The following EFCAB6 variants were observed in gnomAD, a reference collection of about 807,000 sequenced individuals.
The protein encoded by EFCAB6 is EF-hand calcium binding domain 6.
In EFCAB6, 156 loss-of-function variants were observed where a neutral mutation model predicts 169.8. The observed-to-expected ratio is 0.92, with a 90% CI of 0.81 to 1.05. The LOEUF (loss-of-function observed/expected upper bound fraction) is 1.05, where lower values mean the gene tolerates loss of function less well. Ranked by LOEUF, EFCAB6 falls within the 50% of genes least tolerant of loss-of-function variation. The pLI is 0.00. For synonymous variants in EFCAB6, 698 were observed against 676.4 expected (o/e 1.03, Z -0.50); for missense variants, 1,800 against 1,829.1 (o/e 0.98, Z 0.29).
At chr22:43,740,163 C>T (rs1408756522) in intron 6 of EFCAB6, among the ~76,000 whole-genome samples, 1 of 152,222 alleles carries the variant, frequency 6.6e-6, no homozygotes, top group Non-Finnish European at 1.5e-5. Context: ...TCATTCAGGT[C>T]TTGGCCCAGA....
At chr22:43,701,474 T>C (rs926430500) in intron 10 of EFCAB6, among the ~76,000 whole-genome samples, 1 of 152,150 alleles carries the variant, frequency 6.6e-6, no homozygotes, top group South Asian at 2.1e-4. Flanking sequence ...GGTTGGACCA[T>C]TGTAGACAGG....
rs139385248 is a variant in EFCAB6, at chr22:43,641,743, C to T, written c.1984-6527G>A. 2.9e-3 allele frequency among the ~76,000 whole-genome samples: 438 copies of T among 152,258 alleles called. 1 individual carries two copies. The highest frequency in any genetic ancestry group is 0.01 in the Middle Eastern group (3 of 294). On this transcript the variant is annotated intron_variant, in intron 17 of 31. Coordinates refer to ENST00000262726, the MANE Select transcript of EFCAB6 (RefSeq NM_022785.4). Reference sequence around the variant, plus strand: ...GGTGCCAGCTCCTCAACGGGTGGTGCAGACTTCAGTGTGGGTATCTCAGTG... The same window carrying T: ...GGTGCCAGCTCCTCAACGGGTGGTGTAGACTTCAGTGTGGGTATCTCAGTG...
At chr22:43,719,214 CA>C (rs2059439086) in intron 8 of EFCAB6, among the ~76,000 whole-genome samples, 1 of 152,234 alleles carries the variant, frequency 6.6e-6, no homozygotes, top group Admixed American at 6.5e-5. Flanking sequence ...ACGCCTCTCT[CA>C]CCACAATTAT....
intron 17 of EFCAB6, among the ~76,000 whole-genome samples, chr22:43,666,691 G>GT (rs137764): frequency 0.072 from 5,599 of 77,924 alleles, 640 homozygotes; most frequent in South Asian, 0.16. Flanking sequence ...CTGCCAGATT[G>GT]TTTTTTTTTT....
At chr22:43,660,922 C>T (rs1279063849) in intron 17 of EFCAB6, among the ~76,000 whole-genome samples, 3 of 152,136 alleles carry the variant, frequency 2.0e-5, no homozygotes, top group South Asian at 2.1e-4. Context: ...TTTAAACCAC[C>T]GTTTTGTGGG....
intron 7 of EFCAB6, among the ~76,000 whole-genome samples, chr22:43,732,767 G>A (rs747260120): frequency 3.0e-4 from 46 of 152,072 alleles, no homozygotes; most frequent in Non-Finnish European, 5.6e-4. Context: ...GTGCCCAGCC[G>A]AGATAACCTT....
intron 26 of EFCAB6, among the ~76,000 whole-genome samples, chr22:43,570,595 T>C (rs2049789667): frequency 6.9e-6 from 1 of 145,586 alleles, no homozygotes; most frequent in Admixed American, 7.2e-5. Flanking sequence ...GTGTGTGTGC[T>C]GCCGTTTAGG....
At chr22:43,726,707 A>G (rs1157844502) in intron 8 of EFCAB6, among the ~76,000 whole-genome samples, 1 of 152,240 alleles carries the variant, frequency 6.6e-6, no homozygotes, top group Non-Finnish European at 1.5e-5. Flanking sequence ...GGGATCTCCA[A>G]CATCTGTGAA....
At chr22:43,608,434 C>A in intron 22 of EFCAB6, 48 bp downstream of exon 22, 1 of 1,562,944 alleles carries the variant, frequency 6.4e-7, no homozygotes, top group Non-Finnish European at 8.8e-7. Flanking sequence ...ACAGCAAGCA[C>A]CCCTAGTCCA....
intron 24 of EFCAB6, among the ~76,000 whole-genome samples, chr22:43,585,165 G>A (rs904954820): frequency 2.0e-5 from 3 of 152,102 alleles, no homozygotes; most frequent in African/African-American, 7.2e-5. Flanking sequence ...TTATCAGATA[G>A]GGAATTTAAA....
chr22:43,775,390 G>A lies in EFCAB6; in HGVS notation c.140-2287C>T, dbSNP rs559579124. Among the ~76,000 whole-genome samples, 99 of 152,286 alleles carry A rather than the reference G, an allele frequency of 6.5e-4. 1 individual carries two copies. The highest frequency in any genetic ancestry group is 2.3e-3 in the African/African-American group (97 of 41,546). On this transcript the variant is annotated intron_variant, in intron 3 of 31. Coordinates refer to ENST00000262726, the MANE Select transcript of EFCAB6 (RefSeq NM_022785.4). ...ATGGACATCTATCAGTATGATACAT[G>A]ACATGTGTGATCTCCAAGATGAGGT... is the stretch of plus-strand genomic sequence containing the variant.
At chr22:43,680,524 G>C (rs912653814) in intron 12 of EFCAB6, among the ~76,000 whole-genome samples, 1 of 150,368 alleles carries the variant, frequency 6.7e-6, no homozygotes, top group Non-Finnish European at 1.5e-5. Context: ...GGTTTGCACT[G>C]AATCTATAAA....
intron 28 of EFCAB6, 77 bp downstream of exon 28, chr22:43,540,050 C>G: frequency 6.6e-7 from 1 of 1,520,380 alleles, no homozygotes; most frequent in Non-Finnish European, 9.0e-7. Flanking sequence ...CATAGTAGGG[C>G]CCCCAAAGTC....
At chr22:43,593,098 T>G (rs977947671) in intron 23 of EFCAB6, among the ~76,000 whole-genome samples, 1 of 151,976 alleles carries the variant, frequency 6.6e-6, no homozygotes, top group African/African-American at 2.4e-5. Flanking sequence ...CATTGAATCT[T>G]CATTGGAAAG....
At chr22:43,576,799 C>T (rs1020899061) in intron 25 of EFCAB6, among the ~76,000 whole-genome samples, 1 of 152,206 alleles carries the variant, frequency 6.6e-6, no homozygotes, top group Non-Finnish European at 1.5e-5. Context: ...GGAAGCCTCG[C>T]CCCTGCTCCC....
intron 10 of EFCAB6, among the ~76,000 whole-genome samples, chr22:43,688,780 C>T (rs1332441614): frequency 1.3e-5 from 2 of 152,212 alleles, no homozygotes; most frequent in Admixed American, 1.3e-4. Context: ...ACACACTAAA[C>T]CATGCCTATC....
intron 22 of EFCAB6, among the ~76,000 whole-genome samples, chr22:43,602,013 G>T (rs942491849): frequency 6.6e-6 from 1 of 152,234 alleles, no homozygotes; most frequent in Non-Finnish European, 1.5e-5. Context: ...GACGTCCTCC[G>T]CTACTTTGCA....
At chr22:43,724,781 T>C (rs1367825969) in intron 8 of EFCAB6, among the ~76,000 whole-genome samples, 1 of 152,232 alleles carries the variant, frequency 6.6e-6, no homozygotes, top group African/African-American at 2.4e-5. Context: ...GAATCACCCA[T>C]AATGCTTTGC....
intron 27 of EFCAB6, chr22:43,553,322 T>G (rs978707015): frequency 6.6e-6 from 1 of 152,222 alleles, no homozygotes; most frequent in Admixed American, 6.5e-5. Context: ...TTGTTAAGTA[T>G]TTGGGGATTT....
Sources: allele counts gnomAD v4.1 joint callset (sites outside exome capture counted in the v4.1 genomes callset), GRCh38; gene constraint gnomAD v4.1.1; transcripts MANE v1.5; gene names NCBI Gene and HGNC (gene_info 2026-07-23, HGNC 2026-07-21).